Variants in PRKG1 observed in about 807,000 individuals in gnomAD.
PRKG1 encodes protein kinase cGMP-dependent 1.
PRKG1 carries 35 observed loss-of-function variants against 88.1 expected under a neutral mutation model. The observed-to-expected ratio is 0.40, with a 90% CI of 0.30 to 0.53. The LOEUF (loss-of-function observed/expected upper bound fraction) is 0.53, where lower values mean the gene tolerates loss of function less well. Among genes scored for constraint, PRKG1 ranks in the 20% least tolerant of loss-of-function variants. PRKG1 has a pLI of 0.59. For synonymous variants in PRKG1, 303 were observed against 292.5 expected (o/e 1.04, Z -0.37); for missense variants, 540 against 839.8 (o/e 0.64, Z 4.41).
At chr10:51,001,481 G>A (rs1458473974) in intron 1 of PRKG1, among the ~76,000 whole-genome samples, 1 of 152,004 alleles carries the variant, frequency 6.6e-6, no homozygotes, top group African/African-American at 2.4e-5. Context: ...CCCTTTCCTT[G>A]TAGAAAAAAA....
chr10:51,383,443 C>T lies in PRKG1; in HGVS notation c.479-84280C>T, dbSNP rs895466570. Among the ~76,000 whole-genome samples, 19 of 152,068 alleles carry T rather than the reference C, an allele frequency of 1.2e-4. No individual in the cohort carries two copies. In the East Asian group the frequency reaches 1.9e-3, roughly 15 times the overall value. On this transcript the variant is annotated intron_variant, in intron 2 of 17. Transcript: ENST00000373980. The stretch of plus-strand genomic sequence containing the variant: ...AGCCCTTTATATAGCAATAGAAATT[C>T]GCATATTTAATTTTTACAGCAAGCC...
chr10:52,134,042 T>C (rs1837337497), intron 8 of PRKG1, 137 bp downstream of exon 8: 1 of 715,026 alleles, frequency 1.4e-6, no homozygotes, highest in Non-Finnish European at 2.2e-6. Flanking sequence ...TCTGTATTTG[T>C]TTCTCATTCC....
At chr10:51,045,324 T>C (rs1448240672) in intron 1 of PRKG1, among the ~76,000 whole-genome samples, 1 of 151,894 alleles carries the variant, frequency 6.6e-6, no homozygotes, top group Non-Finnish European at 1.5e-5. Flanking sequence ...TTTATTTATT[T>C]ATTTATTTAT....
intron 5 of PRKG1, among the ~76,000 whole-genome samples, chr10:52,018,938 T>C (rs2133187061): frequency 6.6e-6 from 1 of 150,408 alleles, no homozygotes; most frequent in East Asian, 2.0e-4. Context: ...TTCGTGTTGC[T>C]AAAAAGGAAC....
rs75246677 is a variant in PRKG1, at chr10:51,735,143, C to T, written c.593-69442C>T. Reference sequence around the variant, plus strand: ...TGTTAGGGGATGGAAATGGAAACCACGCAAAAACAAATTGCTCACTTCCAG... The same window carrying T: ...TGTTAGGGGATGGAAATGGAAACCATGCAAAAACAAATTGCTCACTTCCAG... On this transcript the variant is annotated intron_variant, in intron 3 of 17. Transcript: ENST00000373980. Among the ~76,000 whole-genome samples, 113 of 152,260 alleles carry T rather than the reference C, an allele frequency of 7.4e-4. No homozygotes were observed. In the East Asian group the frequency reaches 0.016, roughly 21 times the overall value.
At chr10:51,157,248 A>G (rs957766271) in intron 2 of PRKG1, among the ~76,000 whole-genome samples, 1 of 151,938 alleles carries the variant, frequency 6.6e-6, no homozygotes, top group African/African-American at 2.4e-5. Context: ...TGTTGCTTTC[A>G]GATACTTAAA....
intron 3 of PRKG1, among the ~76,000 whole-genome samples, chr10:51,620,244 A>C (rs1839170760): frequency 6.6e-6 from 1 of 152,202 alleles, no homozygotes; most frequent in Non-Finnish European, 1.5e-5. Flanking sequence ...GAAAGTCTTG[A>C]AAAATAACCG....
chr10:52,285,336 G>C (rs918409348), intron 14 of PRKG1, among the ~76,000 whole-genome samples: 1 of 152,072 alleles, frequency 6.6e-6, no homozygotes. Context: ...ATACATTATT[G>C]GAGGAGAATT....
At chr10:51,075,197 T>C (rs973704790) in intron 1 of PRKG1, among the ~76,000 whole-genome samples, 5 of 152,232 alleles carry the variant, frequency 3.3e-5, no homozygotes, top group Admixed American at 6.5e-5. Context: ...CCCAGGTGTG[T>C]GTCCGACCGT....
intron 2 of PRKG1, among the ~76,000 whole-genome samples, chr10:51,278,319 G>C (rs11595919): frequency 0.14 from 21,290 of 152,106 alleles, 1,597 homozygotes; most frequent in East Asian, 0.19. Context: ...TGATCATGTT[G>C]GATAAGCTTT....
chr10:51,065,095 C>A (rs994466292), intron 1 of PRKG1, among the ~76,000 whole-genome samples: 1 of 151,860 alleles, frequency 6.6e-6, no homozygotes, highest in African/African-American at 2.4e-5. Flanking sequence ...CATCTGCTTT[C>A]GAAATAATGT....
At chr10:51,936,080 TC>T (rs138015561) in intron 5 of PRKG1, among the ~76,000 whole-genome samples, 69 of 151,990 alleles carry the variant, frequency 4.5e-4, no homozygotes, top group Non-Finnish European at 7.5e-4. Context: ...AACTGGATCT[TC>T]CTTGTTTCCC....
intron 3 of PRKG1, among the ~76,000 whole-genome samples, chr10:51,531,022 G>A (rs529711038): frequency 6.6e-6 from 1 of 152,226 alleles, no homozygotes; most frequent in East Asian, 1.9e-4. Context: ...CTGATGGAAT[G>A]GGGGTAAGAA....
rs1349646667 is a variant in PRKG1, at chr10:52,188,293, T to TACAC, written c.1076+26331_1076+26332insCACA. On this transcript the variant is annotated intron_variant, in intron 9 of 17. Transcript: ENST00000373980. Reference sequence around the variant, plus strand: ...GTATATATATACATATATATGTGTATATATATATGTATATATATACATATG... The same window carrying TACAC: ...GTATATATATACATATATATGTGTATACACATATATATGTATATATATACATATG... 3.6e-3 allele frequency among the ~76,000 whole-genome samples: 76 copies of TACAC among 21,194 alleles called. No individual in the cohort carries two copies. The East Asian group carries it at 0.05, about 14-fold the overall frequency. 13.9% of individuals were successfully genotyped at this position (21,194 alleles called of 152,430 possible). A position where few individuals can be genotyped will look rare whatever the true frequency, so the allele number is the denominator to read the frequency against.
At chr10:51,759,106 T>C (rs1837950903) in intron 3 of PRKG1, among the ~76,000 whole-genome samples, 2 of 152,192 alleles carry the variant, frequency 1.3e-5, no homozygotes, top group Admixed American at 1.3e-4. Context: ...TTGATGAGCA[T>C]TTGGGTTGGT....
chr10:51,466,537 C>T (rs139404394), intron 2 of PRKG1, among the ~76,000 whole-genome samples: 95 of 151,846 alleles, frequency 6.3e-4, no homozygotes, highest in African/African-American at 2.1e-3. Flanking sequence ...GGGTGAATCA[C>T]GTACCACTAG....
chr10:51,627,929 T>TTCCTTC (rs1426640394), intron 3 of PRKG1, among the ~76,000 whole-genome samples: 18 of 41,636 alleles, frequency 4.3e-4, no homozygotes, highest in African/African-American at 1.1e-3. Context: ...TCCCTTCCTT[T>TTCCTTC]CTTCCTTCCT....
At chr10:51,790,642 G>A (rs1838845909) in intron 3 of PRKG1, among the ~76,000 whole-genome samples, 1 of 152,114 alleles carries the variant, frequency 6.6e-6, no homozygotes, top group East Asian at 1.9e-4. Context: ...GATCTTATGA[G>A]ACACCATTTC....
chr10:51,257,297 G>A (rs1185510080), intron 2 of PRKG1, among the ~76,000 whole-genome samples: 4 of 152,034 alleles, frequency 2.6e-5, no homozygotes, highest in East Asian at 1.9e-4. Flanking sequence ...GTTTAGCAGA[G>A]CTAGTGTTAC....
Sources: gnomAD v4.1 joint callset for allele counts (sites outside exome capture counted in the v4.1 genomes callset) on GRCh38, gnomAD v4.1.1 for gene constraint, MANE v1.5 for transcripts, NCBI Gene and HGNC (gene_info 2026-07-23, HGNC 2026-07-21) for gene names.